NUP188: variants seen among roughly 807,000 people sequenced by gnomAD.
The protein encoded by NUP188 is nucleoporin 188.
Under a neutral mutation model 223.0 loss-of-function variants are expected in NUP188, and 97 were observed. The ratio of observed to expected loss-of-function variants is 0.43; its 90% CI spans 0.37 to 0.51. NUP188 has a LOEUF of 0.51. Ranked by LOEUF, NUP188 falls within the 20% of genes least tolerant of loss-of-function variation. The probability of loss-of-function intolerance (pLI) is 0.00; values close to 1 mark genes in which losing one functional copy is unlikely to be tolerated. For missense variants in NUP188, 1,947 were observed against 2,175.6 expected (o/e 0.89, Z 2.09); for synonymous variants, 869 against 828.0 (o/e 1.05, Z -0.85).
At chr9:128,961,037 A>G (rs1417976497) in intron 8 of NUP188, among the ~76,000 whole-genome samples, 3 of 146,402 alleles carry the variant, frequency 2.0e-5, no homozygotes, top group Non-Finnish European at 4.5e-5. Flanking sequence ...GTGAGCCAAG[A>G]TTGCGCCACT....
rs769479893 is a variant in NUP188, at chr9:128,982,602, G to T, written c.1570G>T (p.Asp524Tyr). The T allele has an allele frequency of 1.1e-4, 170 of 1,613,980 alleles. No homozygotes were observed. Among genetic ancestry groups the T allele is most frequent in the Non-Finnish European group, 1.4e-4 (168 of 1,179,996 alleles). Residue 524 changes from aspartate (D) to tyrosine (Y), a missense_variant, in exon 16 of 44, where the codon GAT becomes TAT. Coordinates refer to ENST00000372577, the MANE Select transcript of NUP188 (RefSeq NM_015354.3). ...PQGTVGQVML[D>Y]DRAYLVRWEY... is the part of the protein sequence containing the mutation. ...AGGCACTGTGGGCCAAGTAATGTTG[G>T]ATGATAGGGCATACCTGGTACGCTG... is the stretch of plus-strand genomic sequence containing the variant.
chr9:128,986,193 G>A (rs1842331188), intron 20 of NUP188, among the ~76,000 whole-genome samples: 1 of 152,150 alleles, frequency 6.6e-6, no homozygotes, highest in Non-Finnish European at 1.5e-5. Context: ...TAGTATTTCA[G>A]TGATGGGATT....
intron 10 of NUP188, 40 bp from the exon 11 acceptor site, chr9:128,970,716 CTT>C (rs1166636700): frequency 1.3e-6 from 2 of 1,558,158 alleles, no homozygotes; most frequent in South Asian, 2.2e-5. Flanking sequence ...GATATTAACA[CTT>C]TCTGTTCGGA....
rs1206587067 is a variant in NUP188 at position 128,993,666 on chromosome 9, G to T, written c.2989G>T (p.Asp997Tyr). ...GCATGCTCTGTGGCAGGATCGGAGG[G>T]ACAGTGCCATGCTGGTCCTCCGAAC... The part of the protein sequence containing the change: ...FLHALWQDRR[D>Y]SAMLVLRTKP... The change falls in exon 27 of 44, where the codon GAC becomes TAC. Residue 997 changes from aspartate to tyrosine, a missense_variant. Around this residue, in one of 3 missense-constraint regions of NUP188, gnomAD observed 905 missense variants for 990.6 expected, o/e 0.91. Coordinates refer to ENST00000372577, the MANE Select transcript of NUP188 (RefSeq NM_015354.3). 2 of 1,614,200 alleles carry T rather than the reference G, an allele frequency of 1.2e-6. No individual in the cohort carries two copies. Among genetic ancestry groups the T allele is most frequent in the Non-Finnish European group, 1.7e-6 (2 of 1,180,038 alleles).
intron 22 of NUP188, among the ~76,000 whole-genome samples, chr9:128,987,088 A>AGAGTGAGT (rs1450678206): frequency 3.5e-5 from 4 of 113,262 alleles, no homozygotes; most frequent in African/African-American, 1.4e-4. Context: ...AGAGAGAGAG[A>AGAGTGAGT]GTGTGTGTGT....
Position 128,969,887 on chromosome 9 carries a change from T to C in NUP188, c.912+373T>C, listed in dbSNP as rs561843396. On this transcript the variant is annotated intron_variant, in intron 10 of 43. Coordinates refer to ENST00000372577, the MANE Select transcript of NUP188 (RefSeq NM_015354.3). ...ACTTCGTGATCCTCCCGCCTAAGCCTCCTAAAGTGCTGGGACTACAGGCGT... is the reference window on the plus strand; with the variant it reads ...ACTTCGTGATCCTCCCGCCTAAGCCCCCTAAAGTGCTGGGACTACAGGCGT... Among the ~76,000 whole-genome samples, 15 of 152,254 alleles carry C rather than the reference T, an allele frequency of 9.9e-5. No homozygotes were observed. In the East Asian group the frequency reaches 2.9e-3, roughly 29 times the overall value.
intron 8 of NUP188, among the ~76,000 whole-genome samples, chr9:128,968,154 T>C (rs1842057209): frequency 6.6e-6 from 1 of 152,096 alleles, no homozygotes; most frequent in South Asian, 2.1e-4. Context: ...TAGTCCTAAC[T>C]ACTCGAGAGG....
rs747201313 is a variant in NUP188, at chr9:129,006,319, T to C, written c.5024T>C (p.Val1675Ala). ...QAMRYLRDPA[V>A]HPRDKQRMKQ... ...ATGCGGTACCTTAGGGACCCGGCTG[T>C]GCACCCCCGGGACAAACAGCGGATG... Residue 1675 changes from valine to alanine, a missense_variant, in exon 43 of 44, where the codon GTG becomes GCG. By Grantham distance (64) the Val-to-Ala change is moderately conservative. Transcript: ENST00000372577. The C allele has an allele frequency of 6.2e-7, 1 of 1,614,162 alleles. No homozygotes were observed. The highest frequency in any genetic ancestry group is 1.1e-5 in the South Asian group (1 of 91,074).
chr9:129,000,268 T>C (rs537030432), intron 34 of NUP188, among the ~76,000 whole-genome samples: 2 of 152,148 alleles, frequency 1.3e-5, no homozygotes, highest in Admixed American at 1.3e-4. Context: ...GGATGCAGTA[T>C]TGAATAGTAT....
At chr9:128,977,535 C>G (rs534998588) in intron 12 of NUP188, among the ~76,000 whole-genome samples, 13 of 152,264 alleles carry the variant, frequency 8.5e-5, no homozygotes, top group African/African-American at 2.2e-4. Flanking sequence ...CTTGGCCAGG[C>G]ACAGTGGCTC....
chr9:129,000,527 C>G (rs532801841), intron 34 of NUP188, among the ~76,000 whole-genome samples: 50 of 150,990 alleles, frequency 3.3e-4, no homozygotes, highest in Admixed American at 1.2e-3. Context: ...ACTGTGTTAG[C>G]CAGGATGGCC....
chr9:128,959,441 C>G (rs1841915553), intron 8 of NUP188, among the ~76,000 whole-genome samples: 1 of 151,532 alleles, frequency 6.6e-6, no homozygotes, highest in Admixed American at 6.6e-5. Flanking sequence ...TACACCTGGC[C>G]TATAACTCTT....
intron 13 of NUP188, among the ~76,000 whole-genome samples, chr9:128,979,949 T>C (rs1842233106): frequency 3.3e-5 from 5 of 152,194 alleles, no homozygotes; most frequent in Admixed American, 3.3e-4. Context: ...CCACCAGTTT[T>C]TTGTTTTTAT....
intron 12 of NUP188, among the ~76,000 whole-genome samples, chr9:128,976,240 T>C (rs1242211834): frequency 2.0e-5 from 3 of 152,338 alleles, no homozygotes; most frequent in Non-Finnish European, 4.4e-5. Context: ...GGAAATGATA[T>C]TTGATGAGTA....
intron 30 of NUP188, among the ~76,000 whole-genome samples, chr9:128,997,210 A>G (rs887340894): frequency 3.9e-5 from 6 of 152,134 alleles, no homozygotes; most frequent in African/African-American, 1.4e-4. Flanking sequence ...TGCAAGTGCA[A>G]AGTTCCAGCA....
chr9:128,983,223 GA>G, intron 17 of NUP188, 69 bp from the exon 18 acceptor site: 2 of 1,471,372 alleles, frequency 1.4e-6, no homozygotes, highest in Non-Finnish European at 1.9e-6. Context: ...GAGAGAAGTG[GA>G]AAAATGTTTG....
At chr9:128,956,218 T>G in intron 3 of NUP188, 132 bp from the exon 4 acceptor site, 1 of 501,858 alleles carries the variant, frequency 2.0e-6, no homozygotes, top group Non-Finnish European at 3.5e-6. Flanking sequence ...TGTGCGTGTG[T>G]GTGTTTGTGT....
chr9:128,990,044 T>G, intron 24 of NUP188, 76 bp from the exon 25 acceptor site: 1 of 1,162,104 alleles, frequency 8.6e-7, no homozygotes, highest in Admixed American at 1.7e-5. Flanking sequence ...ACTGTGGGTC[T>G]TTTTTGAACA....
intron 5 of NUP188, among the ~76,000 whole-genome samples, chr9:128,957,525 C>T (rs377449095): frequency 2.0e-5 from 3 of 151,726 alleles, no homozygotes; most frequent in Non-Finnish European, 4.4e-5. Context: ...AGTGCAATGG[C>T]GTGATCTTGG....
Sources: gnomAD v4.1 joint callset for allele counts (sites outside exome capture counted in the v4.1 genomes callset) on GRCh38, gnomAD v4.1.1 for gene constraint, gnomAD v4.1.1 regional missense constraint, MANE v1.5 for transcripts, NCBI Gene and HGNC (gene_info 2026-07-23, HGNC 2026-07-21) for gene names.